Variants in PUDP observed in about 807,000 individuals in gnomAD.
PUDP encodes the protein pseudouridine-5'-phosphatase.
In PUDP, 8 loss-of-function variants were observed where a neutral mutation model predicts 9.4. That is an observed-to-expected ratio of 0.85 (90% CI 0.50 to 1.53). PUDP has a LOEUF of 1.53. Among genes scored for constraint, PUDP ranks in the 40% most tolerant of loss-of-function variants. The probability of loss-of-function intolerance (pLI) is 0.00; values close to 1 mark genes in which losing one functional copy is unlikely to be tolerated. For synonymous variants in PUDP, 99 were observed against 80.7 expected, an observed-to-expected ratio of 1.23 and a Z score of -1.22; for missense variants, 188 against 189.7, an observed-to-expected ratio of 0.99 and a Z score of 0.05.
intron 3 of PUDP, among the ~76,000 whole-genome samples, chrX:6,753,190 G>C (rs181918900): frequency 6.6e-4 from 74 of 111,438 alleles, no homozygotes; most frequent in Admixed American, 3.6e-3. Context: ...CATCCTTATA[G>C]CTTGACTCCC....
At chrX:6,872,397 T>A (rs1244880201) in intron 3 of PUDP, among the ~76,000 whole-genome samples, 1 of 111,397 alleles carries the variant, frequency 9.0e-6, no homozygotes, top group Non-Finnish European at 1.9e-5. Flanking sequence ...TGATTACCTT[T>A]GTAAAGACCC....
intron 3 of PUDP, among the ~76,000 whole-genome samples, chrX:6,802,456 T>C (rs1925949231): frequency 8.9e-6 from 1 of 111,835 alleles, no homozygotes; most frequent in South Asian, 3.7e-4. Flanking sequence ...TGCTCCAGAC[T>C]GCATAAGTGA....
intron 3 of PUDP, among the ~76,000 whole-genome samples, chrX:6,909,291 A>T: frequency 8.9e-6 from 1 of 112,067 alleles, no homozygotes; most frequent in East Asian, 2.8e-4. Context: ...ATAATTTGAA[A>T]TTCAAAGATT....
At chrX:6,837,618 C>T (rs59651019) in intron 3 of PUDP, among the ~76,000 whole-genome samples, 10,722 of 112,213 alleles carry the variant, frequency 0.096, 614 homozygotes, top group East Asian at 0.46. Flanking sequence ...CCCCTGGCCC[C>T]GCATTCCACG....
intron 1 of PUDP, among the ~76,000 whole-genome samples, chrX:6,707,022 C>G (rs990706981): frequency 1.8e-5 from 2 of 111,472 alleles, no homozygotes; most frequent in African/African-American, 6.5e-5. Context: ...GAAGCACCCC[C>G]CAACACCACC....
intron 2 of PUDP, among the ~76,000 whole-genome samples, chrX:7,086,685 T>C (rs1326127855): frequency 8.9e-6 from 1 of 112,274 alleles, no homozygotes; most frequent in African/African-American, 3.2e-5. Context: ...TCTGCTCTTT[T>C]GAAAAGGTGC....
chrX:7,143,291 A>G (rs1368747841), intron 1 of PUDP, among the ~76,000 whole-genome samples: 4 of 112,032 alleles, frequency 3.6e-5, no homozygotes. Context: ...TTTTATTGCG[A>G]TGTTTGCTTT....
At chrX:6,985,475 A>T (rs6654836) in intron 1 of PUDP, among the ~76,000 whole-genome samples, 39,353 of 108,615 alleles carry the variant, frequency 0.36, 5,393 homozygotes, top group Non-Finnish European at 0.41. Context: ...GTTTCTTCAG[A>T]CCCCTAATAA....
At chrX:7,096,952 G>A (rs183323473) in intron 2 of PUDP, among the ~76,000 whole-genome samples, 131 of 111,040 alleles carry the variant, frequency 1.2e-3, no homozygotes, top group Non-Finnish European at 2.2e-3. Flanking sequence ...TGCGAAAAAT[G>A]ATGTGTTTCA....
At chrX:6,793,310 C>T (rs764519051) in intron 3 of PUDP, among the ~76,000 whole-genome samples, 1 of 111,958 alleles carries the variant, frequency 8.9e-6, no homozygotes, top group Admixed American at 9.4e-5. Flanking sequence ...TAAGCTTGCT[C>T]TCTCAAGCCT....
chrX:6,951,745 T>G (rs899487856), intron 3 of PUDP, among the ~76,000 whole-genome samples: 4 of 112,308 alleles, frequency 3.6e-5, no homozygotes. Context: ...AGCTGATGTG[T>G]TATAGTGCTG....
intron 3 of PUDP, among the ~76,000 whole-genome samples, chrX:6,891,820 G>A (rs988259941): frequency 2.7e-5 from 3 of 111,901 alleles, no homozygotes; most frequent in African/African-American, 3.2e-5. Context: ...CCTACCTTCC[G>A]CTTTCCCTTA....
chrX:6,765,813 GAA>G (rs1464477937), intron 3 of PUDP, among the ~76,000 whole-genome samples: 1 of 111,611 alleles, frequency 9.0e-6, no homozygotes. Flanking sequence ...TTGGGGCTGA[GAA>G]AGTACTCAAG....
At chrX:6,814,846 C>A (rs1360478147) in intron 3 of PUDP, among the ~76,000 whole-genome samples, 1 of 111,517 alleles carries the variant, frequency 9.0e-6, no homozygotes, top group Non-Finnish European at 1.9e-5. Flanking sequence ...AATAAAGATG[C>A]TCCACTAGAG....
intron 3 of PUDP, among the ~76,000 whole-genome samples, chrX:6,851,497 GGA>G (rs1168463269): frequency 9.2e-6 from 1 of 109,124 alleles, no homozygotes; most frequent in Admixed American, 9.9e-5. Flanking sequence ...GGAGAGAAAG[GGA>G]GAGAGAGAGA....
At chrX:6,919,823 C>T (rs868051833) in intron 3 of PUDP, among the ~76,000 whole-genome samples, 1 of 82,351 alleles carries the variant, frequency 1.2e-5, no homozygotes, top group South Asian at 7.7e-4. Context: ...TGAGCCATTG[C>T]ACTCCAGCCT....
chrX:6,861,518 A>T (rs1172844741), intron 3 of PUDP, among the ~76,000 whole-genome samples: 2 of 112,142 alleles, frequency 1.8e-5, no homozygotes, highest in Non-Finnish European at 3.8e-5. Flanking sequence ...ATTAAAAATG[A>T]AATTGTGATA....
chrX:7,114,936 C>T (rs1002887330), intron 1 of PUDP, among the ~76,000 whole-genome samples: 1 of 111,988 alleles, frequency 8.9e-6, no homozygotes, highest in East Asian at 2.8e-4. Flanking sequence ...TTCTGTCACC[C>T]CCAAATCAGA....
chrX:6,782,526 C>T (rs1246064570), intron 3 of PUDP, among the ~76,000 whole-genome samples: 9 of 111,606 alleles, frequency 8.1e-5, no homozygotes, highest in Admixed American at 4.8e-4. Flanking sequence ...GCAGAAATCG[C>T]ACCACTGCAC....
Sources: allele counts gnomAD v4.1 joint callset (sites outside exome capture counted in the v4.1 genomes callset), GRCh38; gene constraint gnomAD v4.1.1; transcripts MANE v1.5; gene names NCBI Gene and HGNC (gene_info 2026-07-23, HGNC 2026-07-21).